Variants in SLC24A2 observed in about 807,000 individuals in gnomAD.
SLC24A2 encodes sodium/potassium/calcium exchanger 2.
Under a neutral mutation model 62.0 loss-of-function variants are expected in SLC24A2, and 36 were observed. The observed-to-expected ratio is 0.58, with a 90% CI of 0.44 to 0.77. The LOEUF is 0.77. Ranked by LOEUF, SLC24A2 falls within the 30% of genes least tolerant of loss-of-function variation. SLC24A2 has a pLI of 0.00. For missense variants in SLC24A2, 846 were observed against 817.9 expected, an observed-to-expected ratio of 1.03 and a Z score of -0.42; for synonymous variants, 358 against 294.0, an observed-to-expected ratio of 1.22 and a Z score of -2.23.
the SLC24A2 span, among the ~76,000 whole-genome samples, chr9:20,218,359 C>G: frequency 6.6e-6 from 1 of 152,134 alleles, no homozygotes; most frequent in Non-Finnish European, 1.5e-5. Context: ...TCTGTTCTAG[C>G]CTACAATCCT....
At chr9:20,165,482 A>T in the SLC24A2 span, among the ~76,000 whole-genome samples, 1 of 151,930 alleles carries the variant, frequency 6.6e-6, no homozygotes, top group African/African-American at 2.4e-5. Context: ...AATAGAACAG[A>T]AACAGAGCAC....
the SLC24A2 span, among the ~76,000 whole-genome samples, chr9:20,125,291 T>C: frequency 2.0e-5 from 3 of 152,224 alleles, no homozygotes; most frequent in Non-Finnish European, 4.4e-5. Flanking sequence ...GTATTCATTT[T>C]ACAGATGAGG....
chr9:20,256,938 ACACAC>A, the SLC24A2 span, among the ~76,000 whole-genome samples: 1 of 152,010 alleles, frequency 6.6e-6, no homozygotes. Context: ...ACACACACAC[ACACAC>A]ACACACTTGC....
chr9:19,955,792 A>C, the SLC24A2 span, among the ~76,000 whole-genome samples: 1 of 152,156 alleles, frequency 6.6e-6, no homozygotes, highest in African/African-American at 2.4e-5. Flanking sequence ...TCAGGATAAC[A>C]CTAGTTTCAC....
the SLC24A2 span, among the ~76,000 whole-genome samples, chr9:20,289,760 C>T: frequency 6.6e-6 from 1 of 152,128 alleles, no homozygotes; most frequent in African/African-American, 2.4e-5. Flanking sequence ...CAAAATGCCT[C>T]CTCCTGTTAT....
intron 2 of SLC24A2, among the ~76,000 whole-genome samples, chr9:19,633,360 TA>T (rs1360418748): frequency 2.0e-5 from 3 of 152,358 alleles, no homozygotes; most frequent in African/African-American, 7.2e-5. Flanking sequence ...GCTTTTGTTT[TA>T]AAAAACTGCC....
the SLC24A2 span, among the ~76,000 whole-genome samples, chr9:20,299,222 G>A: frequency 6.6e-6 from 1 of 152,170 alleles, no homozygotes; most frequent in Non-Finnish European, 1.5e-5. Flanking sequence ...TGGGTCCCAG[G>A]TCACAAAGGA....
intron 4 of SLC24A2, among the ~76,000 whole-genome samples, chr9:19,615,915 T>C (rs548255688): frequency 6.6e-6 from 1 of 151,134 alleles, no homozygotes; most frequent in Admixed American, 6.6e-5. Context: ...TACCAGAAAC[T>C]GAATTCTTCC....
chr9:19,746,039 T>C (rs1189954723), intron 2 of SLC24A2, among the ~76,000 whole-genome samples: 2 of 151,722 alleles, frequency 1.3e-5, no homozygotes, highest in African/African-American at 4.8e-5. Context: ...CAGAAGAAAG[T>C]AAAAAATCAT....
the SLC24A2 span, among the ~76,000 whole-genome samples, chr9:20,165,855 C>T: frequency 6.6e-6 from 1 of 151,682 alleles, no homozygotes; most frequent in Admixed American, 6.6e-5. Flanking sequence ...AAACAAATGA[C>T]AAATTGGTAG....
intron 5 of SLC24A2, among the ~76,000 whole-genome samples, chr9:19,579,798 A>G (rs1229265621): frequency 5.3e-5 from 8 of 152,192 alleles, no homozygotes; most frequent in Non-Finnish European, 8.8e-5. Flanking sequence ...GAATCTTTTC[A>G]GAGTTTAGGT....
chr9:19,761,944 G>C (rs1006187500), intron 2 of SLC24A2, among the ~76,000 whole-genome samples: 1 of 152,064 alleles, frequency 6.6e-6, no homozygotes, highest in African/African-American at 2.4e-5. Flanking sequence ...ATAAACATAC[G>C]TGTGCATGTG....
chr9:19,546,732 T>TG (rs919832784), intron 8 of SLC24A2, among the ~76,000 whole-genome samples: 7 of 147,390 alleles, frequency 4.7e-5, no homozygotes, highest in Non-Finnish European at 7.4e-5. Flanking sequence ...CACTGAGGTA[T>TG]GGGAAAAAAA....
At chr9:20,268,263 A>G in the SLC24A2 span, among the ~76,000 whole-genome samples, 13 of 152,110 alleles carry the variant, frequency 8.5e-5, no homozygotes, top group Non-Finnish European at 1.6e-4. Context: ...CAATAGCCCC[A>G]TGGTCTTCTT....
chr9:19,567,897 A>C (rs937189347), intron 7 of SLC24A2, among the ~76,000 whole-genome samples: 2 of 152,186 alleles, frequency 1.3e-5, no homozygotes, highest in African/African-American at 4.8e-5. Context: ...GAGTATTTTA[A>C]AAATGCTCTC....
chr9:20,145,596 CATGT>C, the SLC24A2 span, among the ~76,000 whole-genome samples: 2 of 149,016 alleles, frequency 1.3e-5, no homozygotes, highest in South Asian at 4.4e-4. Flanking sequence ...GATTCCATCA[CATGT>C]ATGTGTGTGT....
At chr9:19,973,555 C>T in the SLC24A2 span, among the ~76,000 whole-genome samples, 2 of 152,178 alleles carry the variant, frequency 1.3e-5, no homozygotes, top group African/African-American at 4.8e-5. Flanking sequence ...TTACCATTTT[C>T]TTGCTATGTA....
chr9:19,835,449 T>C, the SLC24A2 span, among the ~76,000 whole-genome samples: 1 of 152,094 alleles, frequency 6.6e-6, no homozygotes. Context: ...AAACAGACTT[T>C]AAACCAACGA....
chr9:19,678,855 G>T (rs1341229029), intron 2 of SLC24A2, among the ~76,000 whole-genome samples: 1 of 152,148 alleles, frequency 6.6e-6, no homozygotes, highest in Non-Finnish European at 1.5e-5. Context: ...TGCTAGGTGG[G>T]ATAAAAAAAT....
Sources: allele counts gnomAD v4.1 joint callset (sites outside exome capture counted in the v4.1 genomes callset), GRCh38; gene constraint gnomAD v4.1.1; transcripts MANE v1.5; gene names NCBI Gene and HGNC (gene_info 2026-07-23, HGNC 2026-07-21).